The following NEGR1 variants were observed in gnomAD, a reference collection of about 807,000 sequenced individuals.
NEGR1 encodes the protein neuronal growth regulator 1.
In NEGR1, 10 loss-of-function variants were observed where a neutral mutation model predicts 40.9. That is an observed-to-expected ratio of 0.24 (90% CI 0.15 to 0.42). NEGR1 has a LOEUF of 0.42. Among genes scored for constraint, NEGR1 ranks in the 10% least tolerant of loss-of-function variants. The pLI, the probability that NEGR1 is intolerant of heterozygous loss-of-function variation, is 1.00. For synonymous variants in NEGR1, 185 were observed against 166.8 expected (o/e 1.11, Z -0.84); for missense variants, 352 against 438.9 (o/e 0.80, Z 1.77).
chr1:72,236,792 A>T lies in NEGR1; in HGVS notation c.176+45527T>A, dbSNP rs1464797092. On this transcript the variant is annotated intron_variant, in intron 1 of 6. Transcript: ENST00000357731. ...ATATAATTCATTTTTCCTGTAGTTT[A>T]CAGTAAAATTTTAGTTTAGATATAT... 2.6e-5 allele frequency among the ~76,000 whole-genome samples: 4 copies of T among 151,950 alleles called. No homozygotes were observed. In the Admixed American group the frequency reaches 2.6e-4, roughly 10 times the overall value.
intron 2 of NEGR1, among the ~76,000 whole-genome samples, chr1:71,791,447 G>T (rs1451908225): frequency 6.6e-6 from 1 of 152,056 alleles, no homozygotes; most frequent in Non-Finnish European, 1.5e-5. Context: ...CACAGTGGCA[G>T]TGTTTAGAGC....
At chr1:71,977,329 A>C (rs964367105) in intron 1 of NEGR1, among the ~76,000 whole-genome samples, 17 of 152,100 alleles carry the variant, frequency 1.1e-4, no homozygotes, top group Non-Finnish European at 1.9e-4. Flanking sequence ...CCATCTCAAA[A>C]AAAACAAAAC....
At chr1:72,176,338 T>C (rs923238013) in intron 1 of NEGR1, among the ~76,000 whole-genome samples, 3 of 152,126 alleles carry the variant, frequency 2.0e-5, no homozygotes, top group Admixed American at 6.6e-5. Context: ...AAAGCATTCA[T>C]AGACCAATCA....
intron 2 of NEGR1, among the ~76,000 whole-genome samples, chr1:71,837,654 A>C (rs138605769): frequency 0.011 from 1,655 of 152,228 alleles, 21 homozygotes; most frequent in Middle Eastern, 0.044. Context: ...AAGAGTAGAT[A>C]ATCTTATGTT....
chr1:72,076,482 G>A (rs1301692410), intron 1 of NEGR1, among the ~76,000 whole-genome samples: 1 of 151,992 alleles, frequency 6.6e-6, no homozygotes, highest in Non-Finnish European at 1.5e-5. Context: ...CTTGAACAGA[G>A]TACAACAGAA....
rs1050772853 is a variant in NEGR1, at chr1:71,768,978, A to G, written c.535+7194T>C. ...TTCCCCTTCACTTTCCACCATGACT[A>G]TAAGTTTCCTGAGGCCTCCCCAGAA... On this transcript the variant is annotated intron_variant, in intron 3 of 6. Transcript: ENST00000357731. 4.6e-5 allele frequency among the ~76,000 whole-genome samples: 7 copies of G among 152,062 alleles called. No individual in the cohort carries two copies. The East Asian group carries it at 9.7e-4, about 21-fold the overall frequency.
At chr1:72,138,108 T>C (rs1455849872) in intron 1 of NEGR1, among the ~76,000 whole-genome samples, 1 of 152,066 alleles carries the variant, frequency 6.6e-6, no homozygotes, top group Non-Finnish European at 1.5e-5. Context: ...GAAATACAGA[T>C]ATACATAAAG....
At chr1:71,450,222 C>A (rs1253527634) in intron 6 of NEGR1, among the ~76,000 whole-genome samples, 3 of 151,654 alleles carry the variant, frequency 2.0e-5, no homozygotes, top group Non-Finnish European at 4.4e-5. Flanking sequence ...AACTCCTGAC[C>A]TCTTGATCCA....
chr1:71,936,100 A>G (rs1645903527), intron 1 of NEGR1, among the ~76,000 whole-genome samples: 1 of 152,112 alleles, frequency 6.6e-6, no homozygotes, highest in South Asian at 2.1e-4. Flanking sequence ...TGCCCGGCCT[A>G]TAAGGGTTTA....
At chr1:71,605,974 G>A (rs1333937816) in intron 5 of NEGR1, among the ~76,000 whole-genome samples, 1 of 152,144 alleles carries the variant, frequency 6.6e-6, no homozygotes, top group Non-Finnish European at 1.5e-5. Context: ...CAGTGTGGGA[G>A]CCATCTTTGA....
intron 6 of NEGR1, among the ~76,000 whole-genome samples, chr1:71,577,886 A>G (rs980019481): frequency 6.6e-6 from 1 of 152,180 alleles, no homozygotes; most frequent in Non-Finnish European, 1.5e-5. Context: ...CTGAATCACC[A>G]TCAGCAGAAT....
At chr1:72,057,628 A>G (rs763988126) in intron 1 of NEGR1, among the ~76,000 whole-genome samples, 1 of 151,466 alleles carries the variant, frequency 6.6e-6, no homozygotes, top group Non-Finnish European at 1.5e-5. Context: ...GCCCCTCAAC[A>G]CACACTGTAT....
In NEGR1 at chr1:71,560,257, C is replaced by G. The variant is rs942341276; in HGVS notation, c.940+32560G>C. Among the ~76,000 whole-genome samples, 4 of 150,888 alleles carry G rather than the reference C, an allele frequency of 2.7e-5. No individual in the cohort carries two copies. In the Admixed American group the frequency reaches 2.7e-4, roughly 10 times the overall value. ...TTTCAGCTTCAGAGATTATCTGTCT[C>G]AAGGTTAAGCTAATAAGTAGCTAGG... On this transcript the variant is annotated intron_variant, in intron 6 of 6. Transcript: ENST00000357731.
intron 2 of NEGR1, among the ~76,000 whole-genome samples, chr1:71,793,768 T>C (rs1175797944): frequency 6.6e-6 from 1 of 151,978 alleles, no homozygotes; most frequent in Admixed American, 6.6e-5. Flanking sequence ...GCTTATAAAT[T>C]TAATACATCA....
intron 2 of NEGR1, among the ~76,000 whole-genome samples, chr1:71,898,810 C>CAT (rs1661044739): frequency 1.4e-5 from 2 of 146,658 alleles, no homozygotes; most frequent in African/African-American, 5.0e-5. Context: ...TATATGTATA[C>CAT]ATATATTTTA....
At chr1:72,229,268 T>A (rs894814936) in intron 1 of NEGR1, among the ~76,000 whole-genome samples, 4 of 151,194 alleles carry the variant, frequency 2.6e-5, no homozygotes, top group African/African-American at 9.7e-5. Context: ...ATATATTACC[T>A]CTAATTGACA....
At chr1:71,796,312 G>C (rs1389038803) in intron 2 of NEGR1, among the ~76,000 whole-genome samples, 1 of 152,074 alleles carries the variant, frequency 6.6e-6, no homozygotes, top group Non-Finnish European at 1.5e-5. Context: ...AGAGTACCAG[G>C]TGTGTTTGAG....
intron 2 of NEGR1, among the ~76,000 whole-genome samples, chr1:71,844,664 G>A (rs1055287129): frequency 6.6e-6 from 1 of 152,164 alleles, no homozygotes; most frequent in Non-Finnish European, 1.5e-5. Flanking sequence ...AGCAGGAATG[G>A]CATAAAATCA....
At chr1:71,446,940 T>A (rs1646586642) in intron 6 of NEGR1, among the ~76,000 whole-genome samples, 1 of 152,220 alleles carries the variant, frequency 6.6e-6, no homozygotes, top group South Asian at 2.1e-4. Flanking sequence ...AATATTATGT[T>A]TGTGAAATTC....
Sources: allele counts gnomAD v4.1 joint callset (sites outside exome capture counted in the v4.1 genomes callset), GRCh38; gene constraint gnomAD v4.1.1; transcripts MANE v1.5; gene names NCBI Gene and HGNC (gene_info 2026-07-23, HGNC 2026-07-21).